PHF19: variants seen among roughly 807,000 people sequenced by gnomAD.
PHF19 encodes the protein PHD finger protein 19.
In PHF19, 21 loss-of-function variants were observed where a neutral mutation model predicts 79.8. That is an observed-to-expected ratio of 0.26 (90% CI 0.19 to 0.38). The LOEUF is 0.38. Among genes scored for constraint, PHF19 ranks in the 10% least tolerant of loss-of-function variants. The probability of loss-of-function intolerance (pLI) is 1.00; values close to 1 mark genes in which losing one functional copy is unlikely to be tolerated. For missense variants in PHF19, 445 were observed against 744.2 expected, an observed-to-expected ratio of 0.60 and a Z score of 4.68; for synonymous variants, 273 against 296.3, an observed-to-expected ratio of 0.92 and a Z score of 0.81.
In PHF19 at chr9:120,869,059, T is replaced by C; in HGVS notation, c.614+123A>G. On this transcript the variant is annotated intron_variant, in intron 6 of 14. Coordinates refer to ENST00000373896, the MANE Select transcript of PHF19 (RefSeq NM_015651.3). The surrounding 1 kb of genome is among the most constrained non-coding windows in gnomAD (Gnocchi z 5.8). ...GCCCCGCCCCCACAGCGCAACACAC[T>C]GGGCCCGCCCTCAAGGTCCCCGCCT... 1 of 818,522 alleles carries C rather than the reference T, an allele frequency of 1.2e-6. No homozygotes were observed. The highest frequency in any genetic ancestry group is 1.6e-6 in the Non-Finnish European group (1 of 625,380). The allele number at this position is 818,522 out of a possible 1,614,324, so 50.7% of individuals were successfully genotyped here.
chr9:120,869,589 TTC>T lies in PHF19; in HGVS notation c.465+254_465+255del. On this transcript the variant is annotated intron_variant, in intron 5 of 14. Coordinates refer to ENST00000373896, the MANE Select transcript of PHF19 (RefSeq NM_015651.3). This position sits in a 1 kb window ranked among gnomAD's most constrained non-coding sequence, Gnocchi z 5.8. ...TTACCAACATGTATTTACATGGATTTTCTTTTTTAATAGTAAAGCATCATTTA... is the reference window on the plus strand; with the variant it reads ...TTACCAACATGTATTTACATGGATTTTTTTTTAATAGTAAAGCATCATTTA... 2 of 1,472,338 alleles carry T rather than the reference TTC, an allele frequency of 1.4e-6. No individual in the cohort carries two copies. Among genetic ancestry groups the T allele is most frequent in the Non-Finnish European group, 1.8e-6 (2 of 1,113,516 alleles). The allele number at this position is 1,472,338 out of a possible 1,614,324, so 91.2% of individuals were successfully genotyped here. A position where few individuals can be genotyped will look rare whatever the true frequency, so the allele number is the denominator to read the frequency against.
chr9:120,877,173 G>C lies in PHF19; in HGVS notation c.-98C>G. 1.0e-6 allele frequency: 1 copy of C among 984,252 alleles called. No homozygotes were observed. The highest frequency in any genetic ancestry group is 1.2e-6 in the Non-Finnish European group (1 of 829,398). The allele number at this position is 984,252 out of a possible 1,614,324, so 61.0% of individuals were successfully genotyped here. A position where few individuals can be genotyped will look rare whatever the true frequency, so the allele number is the denominator to read the frequency against. On this transcript the variant is annotated 5_prime_UTR_variant, in exon 1 of 15. Coordinates refer to ENST00000373896, the MANE Select transcript of PHF19 (RefSeq NM_015651.3). ...GCGGAGGCGGCTGCGCTCGGCCCGC[G>C]GCTGCCCGGCCGAGTGTCCGCCCGT...
chr9:120,896,249 C>T (rs2046400232), upstream of PHF19, among the ~76,000 whole-genome samples: 1 of 152,126 alleles, frequency 6.6e-6, no homozygotes, highest in South Asian at 2.1e-4. Context: ...TGAGGGCTCA[C>T]TCGTACCTGG....
At chr9:120,876,945 C>T (rs1278087575) in intron 1 of PHF19, 146 bp downstream of exon 1, 1 of 983,632 alleles carries the variant, frequency 1.0e-6, no homozygotes, top group Non-Finnish European at 1.2e-6. Context: ...ACCCCCGGTC[C>T]CCACCCCCGA....
intron 1 of PHF19, among the ~76,000 whole-genome samples, chr9:120,882,393 T>A (rs755204335): frequency 6.6e-6 from 1 of 151,602 alleles, no homozygotes; most frequent in Non-Finnish European, 1.5e-5. Context: ...TAAAAGTAAC[T>A]TGTGATTTTC....
rs1443047164 is a variant in PHF19 at position 120,869,816 on chromosome 9, G to A, written c.465+29C>T. 6.2e-7 allele frequency: 1 copy of A among 1,612,934 alleles called. No individual in the cohort carries two copies. Among genetic ancestry groups the A allele is most frequent in the South Asian group, 1.1e-5 (1 of 90,702 alleles). ...TGCCCCACTGGAGGAGGCAGGAGAG[G>A]CAGGGACTGGGGAGGATGGAAGGCT... On this transcript the variant is annotated intron_variant, in intron 5 of 14. Transcript: ENST00000373896. This position sits in a 1 kb window ranked among gnomAD's most constrained non-coding sequence, Gnocchi z 5.8.
chr9:120,871,162 C>T (rs2045883928), intron 3 of PHF19, among the ~76,000 whole-genome samples: 1 of 152,192 alleles, frequency 6.6e-6, no homozygotes, highest in Non-Finnish European at 1.5e-5. Context: ...CTTGGCCTCT[C>T]AAAGTTCTGG....
In PHF19 at chr9:120,866,982, G is replaced by A. The variant is rs772943740; in HGVS notation, c.615-17C>T. The A allele has an allele frequency of 1.8e-5, 27 of 1,483,100 alleles. No individual in the cohort carries two copies. The highest frequency in any genetic ancestry group is 2.5e-5 in the Non-Finnish European group (26 of 1,060,842). The allele number at this position is 1,483,100 out of a possible 1,614,324, so 91.9% of individuals were successfully genotyped here. Reference sequence around the variant, plus strand: ...AGGTACCATCTGGAGAGACAGAGGAGCCAAGGTCAGCCAGGACCACACCCC... The same window carrying A: ...AGGTACCATCTGGAGAGACAGAGGAACCAAGGTCAGCCAGGACCACACCCC... On this transcript the variant is annotated splice_polypyrimidine_tract_variant and intron_variant, in intron 6 of 14. Coordinates refer to ENST00000373896, the MANE Select transcript of PHF19 (RefSeq NM_015651.3). This position sits in a 1 kb window ranked among gnomAD's most constrained non-coding sequence, Gnocchi z 5.2.
In PHF19 at chr9:120,877,183, C is replaced by T. The variant is rs368826274; in HGVS notation, c.-108G>A. ...CTGCGCTCGGCCCGCGGCTGCCCGG[C>T]CGAGTGTCCGCCCGTGGGGCCGGGG... On this transcript the variant is annotated 5_prime_UTR_variant, in exon 1 of 15. Coordinates refer to ENST00000373896, the MANE Select transcript of PHF19 (RefSeq NM_015651.3). 2.7e-3 allele frequency: 2,684 copies of T among 983,720 alleles called. 29 individuals are homozygous for T. The highest frequency in any genetic ancestry group is 0.026 in the East Asian group (226 of 8,726). 60.9% of individuals were successfully genotyped at this position (983,720 alleles called of 1,614,324 possible). A position where few individuals can be genotyped will look rare whatever the true frequency, so the allele number is the denominator to read the frequency against.
At chr9:120,877,196 C>A, upstream of PHF19, 1 of 863,176 alleles carries the variant, frequency 1.2e-6, no homozygotes, top group Non-Finnish European at 1.4e-6. Flanking sequence ...AGTGTCCGCC[C>A]GTGGGGCCGG....
chr9:120,876,987 G>T, intron 1 of PHF19, 104 bp downstream of exon 1: 7 of 985,210 alleles, frequency 7.1e-6, no homozygotes, highest in Non-Finnish European at 8.4e-6. Context: ...TCACCCCCCG[G>T]AGGCGTTCGG....
intron 9 of PHF19, among the ~76,000 whole-genome samples, chr9:120,864,916 G>A (rs1316234045): frequency 6.7e-6 from 1 of 150,062 alleles, no homozygotes; most frequent in African/African-American, 2.5e-5. Flanking sequence ...TATACTTTTT[G>A]GTACTTTAAA....
rs2045998079 is a variant in PHF19, at chr9:120,874,707, T to A, written c.35A>T (p.Asp12Val). Residue 12 changes from aspartate to valine, a missense_variant, in exon 2 of 15, where the codon GAC (aspartate) becomes GTC (valine). This residue lies in a region of PHF19 where 50 missense variants were observed against 54.8 expected (regional missense o/e 0.91). Transcript: ENST00000373896. The surrounding 1 kb of genome is among the most constrained non-coding windows in gnomAD (Gnocchi z 4.5). ...GAGGTGGCTGGTGGCACCATAGGAG[T>A]CCCGAGTCCCTGGATCCAGAGCTCG... ...ENRALDPGTR[D>V]SYGATSHLPN... is the part of the protein sequence containing the mutation. 6.2e-7 allele frequency: 1 copy of A among 1,613,534 alleles called. No homozygotes were observed. Among genetic ancestry groups the A allele is most frequent in the Non-Finnish European group, 8.5e-7 (1 of 1,179,632 alleles).
chr9:120,863,422 T>C (rs997534585), intron 10 of PHF19, among the ~76,000 whole-genome samples: 3 of 151,748 alleles, frequency 2.0e-5, no homozygotes, highest in Non-Finnish European at 4.4e-5. Context: ...AGCAACTCAA[T>C]GAATACTTGT....
upstream of PHF19, among the ~76,000 whole-genome samples, chr9:120,899,746 A>C (rs542762257): frequency 2.9e-4 from 44 of 152,276 alleles, no homozygotes; most frequent in Admixed American, 6.5e-4. Context: ...TACTCTCCCC[A>C]GCCCAGGCTG....
chr9:120,888,625 A>G (rs1290979587), intron 1 of PHF19, among the ~76,000 whole-genome samples: 1 of 152,158 alleles, frequency 6.6e-6, no homozygotes, highest in Non-Finnish European at 1.5e-5. Flanking sequence ...AGGGCCTTGT[A>G]TCAGTTGGAA....
chr9:120,890,634 G>A (rs970011047), intron 1 of PHF19, among the ~76,000 whole-genome samples: 14 of 152,230 alleles, frequency 9.2e-5, no homozygotes, highest in African/African-American at 2.9e-4. Context: ...TTTAACACAC[G>A]CAATCTTTGA....
At chr9:120,886,679 A>T (rs943157162) in intron 1 of PHF19, among the ~76,000 whole-genome samples, 9 of 152,232 alleles carry the variant, frequency 5.9e-5, no homozygotes, top group Non-Finnish European at 1.3e-4. Context: ...TCCAGCCTGT[A>T]GTCACCGCCC....
At chr9:120,897,992 A>G (rs1159196824), upstream of PHF19, among the ~76,000 whole-genome samples, 2 of 152,030 alleles carry the variant, frequency 1.3e-5, no homozygotes, top group Non-Finnish European at 1.5e-5. Flanking sequence ...AAAAAAAAAA[A>G]AAAAAAAGAA....
Sources: gnomAD v4.1 joint callset for allele counts (sites outside exome capture counted in the v4.1 genomes callset) on GRCh38, gnomAD v4.1.1 for gene constraint, gnomAD v4.1.1 regional missense constraint, Gnocchi (gnomAD v3.1) non-coding constraint, MANE v1.5 for transcripts, NCBI Gene and HGNC (gene_info 2026-07-23, HGNC 2026-07-21) for gene names.